CCDC63: variants seen among roughly 807,000 people sequenced by gnomAD.
The protein encoded by CCDC63 is coiled-coil domain-containing protein 63.
Under a neutral mutation model 63.6 loss-of-function variants are expected in CCDC63, and 54 were observed. The observed-to-expected ratio is 0.85, with a 90% CI of 0.68 to 1.07. The LOEUF (loss-of-function observed/expected upper bound fraction) is 1.07, where lower values mean the gene tolerates loss of function less well. Among genes scored for constraint, CCDC63 ranks in the 50% least tolerant of loss-of-function variants. CCDC63 has a pLI of 0.00. For missense variants in CCDC63, 637 were observed against 689.6 expected (o/e 0.92, Z 0.86); for synonymous variants, 253 against 266.1 (o/e 0.95, Z 0.48).
intron 1 of CCDC63, 23 bp from the exon 2 acceptor site, chr12:110,852,836 C>T: frequency 1.9e-6 from 3 of 1,547,240 alleles, no homozygotes; most frequent in East Asian, 2.2e-5. Context: ...TACAAGTTCT[C>T]TTCCTTTTGC....
chr12:110,855,086 C>T (rs755255670), intron 3 of CCDC63, among the ~76,000 whole-genome samples: 39 of 152,244 alleles, frequency 2.6e-4, no homozygotes, highest in African/African-American at 7.5e-4. Context: ...CCACCATGCC[C>T]GGCCTGAAAA....
intron 10 of CCDC63, among the ~76,000 whole-genome samples, chr12:110,902,391 T>C (rs750022457): frequency 4.6e-5 from 7 of 152,166 alleles, no homozygotes; most frequent in Non-Finnish European, 1.0e-4. Flanking sequence ...ACTATCCTCC[T>C]CTCGATCCTT....
At chr12:110,888,843 T>A (rs867448452) in intron 8 of CCDC63, among the ~76,000 whole-genome samples, 1 of 93,240 alleles carries the variant, frequency 1.1e-5, no homozygotes, top group African/African-American at 3.4e-5. Context: ...CCTTCCTTCC[T>A]TCCTTCCTTC....
intron 10 of CCDC63, 62 bp from the exon 11 acceptor site, chr12:110,904,526 C>A: frequency 6.9e-7 from 1 of 1,441,390 alleles, no homozygotes; most frequent in Non-Finnish European, 9.7e-7. Flanking sequence ...GTGGCACCAC[C>A]CACAGTGCCC....
intron 4 of CCDC63, among the ~76,000 whole-genome samples, chr12:110,867,669 A>C (rs1460104898): frequency 1.1e-5 from 1 of 93,092 alleles, no homozygotes; most frequent in Non-Finnish European, 2.2e-5. Context: ...GGCGCCCCTC[A>C]CCTCCCAGAC....
In CCDC63 at chr12:110,863,401, C is replaced by T. The variant is rs370343828; in HGVS notation, c.369+4626C>T. On this transcript the variant is annotated intron_variant, in intron 4 of 11. Coordinates refer to ENST00000308208, the MANE Select transcript of CCDC63 (RefSeq NM_152591.3). ...ACACCTGATCATCCGAGCTGCCACTCGCATGATGTACCAGTGAGGAAAGGT... is the reference window on the plus strand; with the variant it reads ...ACACCTGATCATCCGAGCTGCCACTTGCATGATGTACCAGTGAGGAAAGGT... 1.2e-4 allele frequency among the ~76,000 whole-genome samples: 19 copies of T among 152,210 alleles called. No individual in the cohort carries two copies. In the South Asian group the frequency reaches 3.3e-3, roughly 27 times the overall value.
chr12:110,857,533 G>A lies in CCDC63; in HGVS notation c.180-1053G>A, dbSNP rs150240121. 4.8e-3 allele frequency among the ~76,000 whole-genome samples: 736 copies of A among 152,272 alleles called. 9 individuals are homozygous for A. Among genetic ancestry groups the A allele is most frequent in the African/African-American group, 0.017 (720 of 41,556 alleles). Reference sequence around the variant, plus strand: ...TCTGATCCAATTGGTCTCAGGTTGGGCACCTGAGATTCTGCATTTCTCCAA... The same window carrying A: ...TCTGATCCAATTGGTCTCAGGTTGGACACCTGAGATTCTGCATTTCTCCAA... On this transcript the variant is annotated intron_variant, in intron 3 of 11. Coordinates refer to ENST00000308208, the MANE Select transcript of CCDC63 (RefSeq NM_152591.3).
chr12:110,904,337 TC>T (rs2071529550), intron 10 of CCDC63, among the ~76,000 whole-genome samples: 2 of 118,402 alleles, frequency 1.7e-5, no homozygotes, highest in Non-Finnish European at 3.9e-5. Context: ...CCAGACCTTG[TC>T]AAAAAAAAAA....
At chr12:110,858,532 C>T (rs1017452655) in intron 3 of CCDC63, 54 bp from the exon 4 acceptor site, 10 of 1,526,942 alleles carry the variant, frequency 6.5e-6, no homozygotes, top group Admixed American at 5.7e-5. Flanking sequence ...CTGGAGTGCT[C>T]CGTCAAGTTA....
chr12:110,867,884 C>T (rs2070994495), intron 4 of CCDC63, among the ~76,000 whole-genome samples: 2 of 151,500 alleles, frequency 1.3e-5, no homozygotes, highest in African/African-American at 2.4e-5. Context: ...AGACGCTCCT[C>T]ACTTCCCAGA....
At chr12:110,880,203 C>T (rs192558675) in intron 6 of CCDC63, 116 bp downstream of exon 6, 809 of 868,374 alleles carry the variant, frequency 9.3e-4, no homozygotes, top group Non-Finnish European at 1.4e-3. Context: ...AATCTTAAAT[C>T]ATAGTAGTAA....
intron 4 of CCDC63, among the ~76,000 whole-genome samples, chr12:110,867,981 G>A (rs1220380637): frequency 1.0e-3 from 151 of 146,728 alleles, no homozygotes; most frequent in Non-Finnish European, 1.8e-3. Flanking sequence ...CAGACGGGGC[G>A]GTTGCCAGGC....
chr12:110,850,465 G>A (rs554072152), intron 1 of CCDC63, among the ~76,000 whole-genome samples: 30 of 152,358 alleles, frequency 2.0e-4, no homozygotes, highest in African/African-American at 7.0e-4. Context: ...ATCCAGGCTG[G>A]ACGTGGTGGT....
chr12:110,890,767 CCTT>C (rs1291995323), intron 8 of CCDC63, among the ~76,000 whole-genome samples: 5 of 144,868 alleles, frequency 3.5e-5, no homozygotes, highest in African/African-American at 1.0e-4. Flanking sequence ...TTTTTTTCCT[CCTT>C]TTCTTTTTTT....
At position 110,904,730 on chromosome 12, in the gene CCDC63, A is replaced by G. The variant is rs951040033; in HGVS notation, c.1485A>G (p.Glu495=). The change falls in exon 11 of 12, where the codon GAA becomes GAG. Residue 495 remains glutamate, a synonymous_variant. Coordinates refer to ENST00000308208, the MANE Select transcript of CCDC63 (RefSeq NM_152591.3). ...GCTCTGCCCTCCTCAAGCCCCCAGA[A>G]CCCATCAAAGTCATCCCCCCAGTGC... ...WGGSALLKPP[E]PIKVIPPVLG... 1.2e-6 allele frequency: 2 copies of G among 1,613,660 alleles called. No individual in the cohort carries two copies. Among genetic ancestry groups the G allele is most frequent in the Non-Finnish European group, 1.7e-6 (2 of 1,179,914 alleles).
rs373962614 is a variant in CCDC63 at position 110,904,042 on chromosome 12, C to T, written c.1343-546C>T. On this transcript the variant is annotated intron_variant, in intron 10 of 11. Coordinates refer to ENST00000308208, the MANE Select transcript of CCDC63 (RefSeq NM_152591.3). ...ACCGTATGTCTGCTTATGTCCTGTGCGTATCTGTGTTGTATACATTAAGAA... is the reference window on the plus strand; with the variant it reads ...ACCGTATGTCTGCTTATGTCCTGTGTGTATCTGTGTTGTATACATTAAGAA... Among the ~76,000 whole-genome samples, 15 of 152,176 alleles carry T rather than the reference C, an allele frequency of 9.9e-5. 1 individual carries two copies. In the South Asian group the frequency reaches 1.9e-3, roughly 19 times the overall value.
Position 110,873,887 on chromosome 12 carries a change from G to A in CCDC63, c.415G>A (p.Ala139Thr), listed in dbSNP as rs375546177. The change falls in exon 5 of 12, where the codon GCA (alanine) becomes ACA (threonine). Residue 139 changes from alanine to threonine, a missense_variant. By Grantham distance (58) the Ala-to-Thr change is moderately conservative. Transcript: ENST00000308208. ...AATCGCAAACCAAAAACAGATTTTC[G>A]CAAAAATGCAGGAGGCCAATAACCC... The part of the protein sequence containing the change: ...KKIANQKQIF[A>T]KMQEANNPRK... The A allele has an allele frequency of 1.6e-5, 26 of 1,611,424 alleles. No homozygotes were observed. The highest frequency in any genetic ancestry group is 6.7e-5 in the East Asian group (3 of 44,850).
intron 10 of CCDC63, among the ~76,000 whole-genome samples, chr12:110,904,109 A>G (rs1300788130): frequency 6.6e-6 from 1 of 152,150 alleles, no homozygotes; most frequent in Non-Finnish European, 1.5e-5. Flanking sequence ...TAATTCCAGC[A>G]CTTTAGGAGG....
intron 4 of CCDC63, among the ~76,000 whole-genome samples, chr12:110,860,350 A>G (rs1245348672): frequency 6.6e-6 from 1 of 152,132 alleles, no homozygotes; most frequent in Non-Finnish European, 1.5e-5. Flanking sequence ...AGCTCTTCCC[A>G]CCATTGTCAT....
Sources: allele counts gnomAD v4.1 joint callset (sites outside exome capture counted in the v4.1 genomes callset), GRCh38; gene constraint gnomAD v4.1.1; transcripts MANE v1.5; gene names NCBI Gene and HGNC (gene_info 2026-07-23, HGNC 2026-07-21).